LRP1B: variants seen among roughly 807,000 people sequenced by gnomAD.
The protein encoded by LRP1B is low-density lipoprotein receptor-related protein 1B.
Under a neutral mutation model 556.6 loss-of-function variants are expected in LRP1B, and 217 were observed. The observed-to-expected ratio is 0.39, with a 90% CI of 0.35 to 0.44. The LOEUF is 0.44. LRP1B is among the 20% of genes least tolerant of loss of function. LRP1B has a pLI of 1.00. For missense variants in LRP1B, 5,053 were observed against 5,620.8 expected (o/e 0.90, Z 3.23); for synonymous variants, 2,047 against 1,865.8 (o/e 1.10, Z -2.50).
chr2:140,766,833 A>ATTTTT (rs1480624131), intron 35 of LRP1B, among the ~76,000 whole-genome samples: 19 of 31,720 alleles, frequency 6.0e-4, no homozygotes, highest in African/African-American at 1.1e-3. Flanking sequence ...ATATATATAT[A>ATTTTT]TATATATATA....
At chr2:140,760,649 G>T (rs1353080345) in intron 35 of LRP1B, among the ~76,000 whole-genome samples, 4 of 152,124 alleles carry the variant, frequency 2.6e-5, no homozygotes, top group Non-Finnish European at 5.9e-5. Flanking sequence ...ACTTTGGGAG[G>T]CCAAGGTGGT....
intron 1 of LRP1B, among the ~76,000 whole-genome samples, chr2:141,842,101 C>T (rs941447745): frequency 5.9e-5 from 9 of 151,990 alleles, no homozygotes; most frequent in African/African-American, 1.7e-4. Context: ...GCTAACTGGA[C>T]GACTGTCATT....
chr2:140,717,322 A>G (rs1687248013), intron 35 of LRP1B, among the ~76,000 whole-genome samples: 1 of 152,064 alleles, frequency 6.6e-6, no homozygotes, highest in African/African-American at 2.4e-5. Flanking sequence ...TTTAAGCATA[A>G]GGCCACTCAG....
intron 7 of LRP1B, among the ~76,000 whole-genome samples, chr2:141,113,942 C>A (rs1700816754): frequency 6.6e-6 from 1 of 152,192 alleles, no homozygotes; most frequent in Admixed American, 6.5e-5. Context: ...TTTAAAGCAA[C>A]ATTATCTATT....
chr2:140,851,238 G>A (rs1475248541), intron 28 of LRP1B, among the ~76,000 whole-genome samples: 1 of 151,734 alleles, frequency 6.6e-6, no homozygotes, highest in Non-Finnish European at 1.5e-5. Flanking sequence ...TGATAATCCT[G>A]TACCAAATGA....
At chr2:141,987,201 A>G (rs1166925513) in intron 1 of LRP1B, among the ~76,000 whole-genome samples, 4 of 152,006 alleles carry the variant, frequency 2.6e-5, no homozygotes, top group Non-Finnish European at 2.9e-5. Context: ...GGGAGACTGA[A>G]TTATAGAATT....
chr2:141,575,997 T>C (rs752589592), intron 2 of LRP1B, among the ~76,000 whole-genome samples: 1 of 152,192 alleles, frequency 6.6e-6, no homozygotes, highest in Non-Finnish European at 1.5e-5. Flanking sequence ...GGTGGGAATG[T>C]AAATTCGTTC....
In LRP1B at chr2:142,123,817, C is replaced by A. The variant is rs575742499; in HGVS notation, c.82+6831G>T. Among the ~76,000 whole-genome samples the A allele has an allele frequency of 2.6e-5, 4 of 151,584 alleles. No homozygotes were observed. In the South Asian group the frequency reaches 8.3e-4, roughly 31 times the overall value. ...CTTATATCTGAGAAACTTTTATATACGAGCTTATATTTGAGAAAAATAAGA... is the reference window on the plus strand; with the variant it reads ...CTTATATCTGAGAAACTTTTATATAAGAGCTTATATTTGAGAAAAATAAGA... On this transcript the variant is annotated intron_variant, in intron 1 of 90. Transcript: ENST00000389484.
At chr2:140,580,922 A>G (rs1365304965) in intron 43 of LRP1B, among the ~76,000 whole-genome samples, 3 of 152,150 alleles carry the variant, frequency 2.0e-5, no homozygotes, top group Non-Finnish European at 4.4e-5. Flanking sequence ...GAAAATGAGG[A>G]GAGAGAAATA....
At chr2:140,954,707 A>T (rs1044596539) in intron 18 of LRP1B, among the ~76,000 whole-genome samples, 1 of 152,066 alleles carries the variant, frequency 6.6e-6, no homozygotes, top group Non-Finnish European at 1.5e-5. Flanking sequence ...ACCTCTAAGA[A>T]AATGAGACAT....
intron 66 of LRP1B, among the ~76,000 whole-genome samples, chr2:140,435,057 G>A (rs1686113885): frequency 6.6e-6 from 1 of 152,096 alleles, no homozygotes; most frequent in African/African-American, 2.4e-5. Flanking sequence ...ATGGTACTAA[G>A]CAAAACTGAG....
chr2:141,337,354 T>G (rs967305489), intron 3 of LRP1B, among the ~76,000 whole-genome samples: 1 of 152,248 alleles, frequency 6.6e-6, no homozygotes, highest in Non-Finnish European at 1.5e-5. Context: ...TGATTATGTT[T>G]CTGTGCAAGT....
chr2:141,575,192 G>A (rs1459558632), intron 2 of LRP1B, among the ~76,000 whole-genome samples: 2 of 152,098 alleles, frequency 1.3e-5, no homozygotes, highest in East Asian at 1.9e-4. Flanking sequence ...GAAGCATCAC[G>A]CTACCTGACT....
At chr2:141,217,273 T>C (rs138820556) in intron 6 of LRP1B, among the ~76,000 whole-genome samples, 107 of 152,314 alleles carry the variant, frequency 7.0e-4, no homozygotes, top group African/African-American at 2.4e-3. Flanking sequence ...CTCCACTTTC[T>C]TGCTCCTAGT....
At chr2:141,644,461 G>A (rs1359681852) in intron 2 of LRP1B, among the ~76,000 whole-genome samples, 3 of 152,014 alleles carry the variant, frequency 2.0e-5, no homozygotes, top group Non-Finnish European at 2.9e-5. Flanking sequence ...TTTGTAAATT[G>A]TCCAGTCTTG....
intron 18 of LRP1B, among the ~76,000 whole-genome samples, chr2:140,953,013 ACT>A (rs1428693313): frequency 1.3e-5 from 2 of 152,052 alleles, no homozygotes; most frequent in African/African-American, 2.4e-5. Flanking sequence ...GAAATAAGAA[ACT>A]CTATCAGTTT....
intron 1 of LRP1B, among the ~76,000 whole-genome samples, chr2:141,815,382 G>A (rs61073917): frequency 8.5e-5 from 13 of 152,160 alleles, no homozygotes; most frequent in South Asian, 2.1e-4. Context: ...CTTTTCTGTC[G>A]TACAAGAGGA....
In LRP1B at chr2:141,935,444, A is replaced by C. The variant is rs145168457; in HGVS notation, c.83-125043T>G. Among the ~76,000 whole-genome samples, 413 of 152,308 alleles carry C rather than the reference A, an allele frequency of 2.7e-3. 1 individual carries two copies. The highest frequency in any genetic ancestry group is 9.2e-3 in the African/African-American group (382 of 41,572). The stretch of plus-strand genomic sequence containing the variant: ...TGACATCTGTCAATTAGACATTTTA[A>C]AATTTCTTAGATGGCCATTAAAGTT... On this transcript the variant is annotated intron_variant, in intron 1 of 90. Transcript: ENST00000389484.
chr2:141,176,374 A>T (rs1362067351), intron 7 of LRP1B, among the ~76,000 whole-genome samples: 2 of 151,894 alleles, frequency 1.3e-5, no homozygotes, highest in African/African-American at 4.8e-5. Flanking sequence ...ATGAGGGAAG[A>T]TTTCCCCTTT....
Sources: gnomAD v4.1 joint callset for allele counts (sites outside exome capture counted in the v4.1 genomes callset) on GRCh38, gnomAD v4.1.1 for gene constraint, MANE v1.5 for transcripts, NCBI Gene and HGNC (gene_info 2026-07-23, HGNC 2026-07-21) for gene names.